The following CSPG5 variants were observed in gnomAD, a reference collection of about 807,000 sequenced individuals.
CSPG5 encodes the protein chondroitin sulfate proteoglycan 5.
CSPG5 carries 25 observed loss-of-function variants against 39.8 expected under a neutral mutation model. The observed-to-expected ratio is 0.63, with a 90% CI of 0.46 to 0.88. CSPG5 has a LOEUF of 0.88. Ranked by LOEUF, CSPG5 falls within the 40% of genes least tolerant of loss-of-function variation. CSPG5 has a pLI of 0.00. For synonymous variants in CSPG5, 295 were observed against 303.9 expected, an observed-to-expected ratio of 0.97 and a Z score of 0.31; for missense variants, 627 against 702.2, an observed-to-expected ratio of 0.89 and a Z score of 1.21.
chr3:47,563,047 G>T (rs1415425948), intron 4 of CSPG5, among the ~76,000 whole-genome samples: 1 of 152,200 alleles, frequency 6.6e-6, no homozygotes, highest in Non-Finnish European at 1.5e-5. Flanking sequence ...AGATTGGGGA[G>T]AAAGAGTCCC....
chr3:47,580,154 T>C (rs2031932000), upstream of CSPG5: 3 of 152,310 alleles, frequency 2.0e-5, no homozygotes, highest in African/African-American at 4.8e-5. Context: ...ACTCAGTTCT[T>C]ATCACCTTTC....
intron 3 of CSPG5, among the ~76,000 whole-genome samples, chr3:47,570,333 G>A (rs2031483625): frequency 1.3e-5 from 2 of 151,560 alleles, no homozygotes. Flanking sequence ...CGAACCCTTG[G>A]GCTCAGGTGG....
chr3:47,572,599 G>T lies in CSPG5; in HGVS notation c.1382+87C>A. Reference sequence around the variant, plus strand: ...AGGTGCCAGAAACCCTCACGACAAAGTCCCTGGATCAGTTGGAGGGGTGCA... The same window carrying T: ...AGGTGCCAGAAACCCTCACGACAAATTCCCTGGATCAGTTGGAGGGGTGCA... On this transcript the variant is annotated intron_variant, in intron 3 of 4. Transcript: ENST00000264723. This position sits in a 1 kb window ranked among gnomAD's most constrained non-coding sequence, Gnocchi z 4.5. 1 of 1,170,188 alleles carries T rather than the reference G, an allele frequency of 8.5e-7. No homozygotes were observed. The highest frequency in any genetic ancestry group is 1.2e-6 in the Non-Finnish European group (1 of 804,660). 72.5% of individuals were successfully genotyped at this position (1,170,188 alleles called of 1,614,324 possible).
upstream of CSPG5, chr3:47,579,469 C>A (rs950129471): frequency 7.9e-5 from 12 of 152,470 alleles, no homozygotes; most frequent in East Asian, 2.1e-3. This position sits in a 1 kb window ranked among gnomAD's most constrained non-coding sequence, Gnocchi z 4.2. Flanking sequence ...AGATCTAATC[C>A]GTTCGCAGCC....
At chr3:47,567,098 T>G (rs1275567623) in intron 4 of CSPG5, among the ~76,000 whole-genome samples, 2 of 152,276 alleles carry the variant, frequency 1.3e-5, no homozygotes, top group South Asian at 4.1e-4. Flanking sequence ...CTTTTCCCCC[T>G]CTGAGAAGAA....
At chr3:47,562,820 T>C in intron 4 of CSPG5, 59 bp from the exon 5 acceptor site, 1 of 1,451,660 alleles carries the variant, frequency 6.9e-7, no homozygotes, top group East Asian at 2.4e-5. Context: ...CAAATAATAA[T>C]ATCAGCGTTT....
chr3:47,573,264 A>G lies in CSPG5; in HGVS notation c.1194-390T>C, dbSNP rs557681598. ...CCCTGCCCTGGGCTCTGGGTGAAAG[A>G]AAGATGAAAAACAAGAGGAATAAGA... On this transcript the variant is annotated intron_variant, in intron 2 of 4. Coordinates refer to ENST00000264723, the MANE Select transcript of CSPG5 (RefSeq NM_006574.4). Among the ~76,000 whole-genome samples, 6 of 152,292 alleles carry G rather than the reference A, an allele frequency of 3.9e-5. No homozygotes were observed. In the South Asian group the frequency reaches 1.2e-3, roughly 32 times the overall value.
rs1486739818 is a variant in CSPG5 at position 47,578,345 on chromosome 3, G to A, written c.97+252C>T. Among the ~76,000 whole-genome samples the A allele has an allele frequency of 1.1e-5, 1 of 95,146 alleles. No homozygotes were observed. The highest frequency in any genetic ancestry group is 4.0e-5 in the African/African-American group (1 of 25,188). 62.4% of individuals were successfully genotyped at this position (95,146 alleles called of 152,430 possible). ...CGGCCCCGCCCCGGCCCCGCCCCCG[G>A]CCCCGCCCCCAGTCCGCACCGCGGC... On this transcript the variant is annotated intron_variant, in intron 1 of 4. Coordinates refer to ENST00000264723, the MANE Select transcript of CSPG5 (RefSeq NM_006574.4). The surrounding 1 kb of genome is among the most constrained non-coding windows in gnomAD (Gnocchi z 6.0).
intron 4 of CSPG5, among the ~76,000 whole-genome samples, chr3:47,568,184 T>A (rs906712239): frequency 1.3e-5 from 2 of 152,240 alleles, no homozygotes; most frequent in Non-Finnish European, 2.9e-5. Context: ...TCAGTTTAAC[T>A]TGCTTATCTG....
Position 47,578,465 on chromosome 3 carries a change from G to T in CSPG5, c.97+132C>A, listed in dbSNP as rs1230012273. 1.3e-5 allele frequency: 3 copies of T among 229,914 alleles called. No homozygotes were observed. Among genetic ancestry groups the T allele is most frequent in the Non-Finnish European group, 2.4e-5 (3 of 124,142 alleles). 14.2% of individuals were successfully genotyped at this position (229,914 alleles called of 1,614,324 possible). On this transcript the variant is annotated intron_variant, in intron 1 of 4. Transcript: ENST00000264723. The surrounding 1 kb of genome is among the most constrained non-coding windows in gnomAD (Gnocchi z 6.0). Reference sequence around the variant, plus strand: ...CACCACCTCCTGGGACCATTCCGCCGCCCGGCCGCGGCCAGGCGGTGCCCC... The same window carrying T: ...CACCACCTCCTGGGACCATTCCGCCTCCCGGCCGCGGCCAGGCGGTGCCCC...
chr3:47,572,938 TG>T lies in CSPG5; in HGVS notation c.1194-65del, dbSNP rs2031582028. 2.1e-6 allele frequency: 3 copies of T among 1,442,106 alleles called. No homozygotes were observed. The South Asian group carries it at 3.8e-5, about 18-fold the overall frequency. 89.3% of individuals were successfully genotyped at this position (1,442,106 alleles called of 1,614,324 possible). On this transcript the variant is annotated intron_variant, in intron 2 of 4. Transcript: ENST00000264723. This position sits in a 1 kb window ranked among gnomAD's most constrained non-coding sequence, Gnocchi z 4.5. ...GGCAGCCACGGCCACAGTAAGGGCCTGGGCCCTGACCCCAACACCTATCTCC... is the reference window on the plus strand; with the variant it reads ...GGCAGCCACGGCCACAGTAAGGGCCTGGCCCTGACCCCAACACCTATCTCC...
chr3:47,576,616 G>A (rs1310231653), intron 2 of CSPG5, among the ~76,000 whole-genome samples: 2 of 152,012 alleles, frequency 1.3e-5, no homozygotes, highest in African/African-American at 2.4e-5. Flanking sequence ...CTGCCACCGC[G>A]CCCAGCTAAT....
chr3:47,562,304 A>C lies in CSPG5; in HGVS notation c.*296T>G, dbSNP rs2031105546. 3.9e-6 allele frequency: 1 copy of C among 253,554 alleles called. No individual in the cohort carries two copies. The highest frequency in any genetic ancestry group is 7.4e-6 in the Non-Finnish European group (1 of 135,716). The allele number at this position is 253,554 out of a possible 1,614,324, so 15.7% of individuals were successfully genotyped here. A position where few individuals can be genotyped will look rare whatever the true frequency, so the allele number is the denominator to read the frequency against. On this transcript the variant is annotated 3_prime_UTR_variant, in exon 5 of 5. Coordinates refer to ENST00000264723, the MANE Select transcript of CSPG5 (RefSeq NM_006574.4). ...CTGGTATTTCAAAAAAACGTGGGTCAAAGTACAAAAAAAAGTCAGTTGAAT... is the reference window on the plus strand; with the variant it reads ...CTGGTATTTCAAAAAAACGTGGGTCCAAGTACAAAAAAAAGTCAGTTGAAT...
In CSPG5 at chr3:47,568,226, T is replaced by C. The variant is rs2031386674; in HGVS notation, c.1458+926A>G. ...AATCTGTGTAAAAATGCATTTATCT[T>C]GAAGTATGGAACCTGCATTATATAG... On this transcript the variant is annotated intron_variant, in intron 4 of 4. Transcript: ENST00000264723. Among the ~76,000 whole-genome samples, 3 of 152,226 alleles carry C rather than the reference T, an allele frequency of 2.0e-5. No homozygotes were observed. In the South Asian group the frequency reaches 6.2e-4, roughly 31 times the overall value.
In CSPG5 at chr3:47,577,182, C is replaced by T. The variant is rs143267577; in HGVS notation, c.844G>A (p.Glu282Lys). The change falls in exon 2 of 5, where the codon GAG (glutamate) becomes AAG (lysine). Residue 282 changes from glutamate (E) to lysine (K), a missense_variant. Transcript: ENST00000264723. The surrounding 1 kb of genome is among the most constrained non-coding windows in gnomAD (Gnocchi z 4.7). ...CCTACTGCATCTTTGTCATCCTCCT[C>T]TTCCTCCTCCTCTTCATCCAAGTCA... ...YDDLDEEEEE[E>K]EDDKDAVGGG... 6.2e-5 allele frequency: 99 copies of T among 1,609,534 alleles called. No homozygotes were observed. Among genetic ancestry groups the T allele is most frequent in the Non-Finnish European group, 7.6e-5 (90 of 1,177,820 alleles).
intron 4 of CSPG5, among the ~76,000 whole-genome samples, chr3:47,566,583 T>A (rs1406733487): frequency 1.3e-5 from 2 of 152,122 alleles, no homozygotes; most frequent in South Asian, 2.1e-4. Context: ...ACCCCTCACA[T>A]CCACAGTGCT....
Position 47,578,411 on chromosome 3 carries a change from C to T in CSPG5, c.97+186G>A, listed in dbSNP as rs577225202. ...CCGGCTACCCCAACCGGGGTCGGCCCCCACGCGGGTCGGCCTTTCCCGGAC... is the reference window on the plus strand; with the variant it reads ...CCGGCTACCCCAACCGGGGTCGGCCTCCACGCGGGTCGGCCTTTCCCGGAC... On this transcript the variant is annotated intron_variant, in intron 1 of 4. Coordinates refer to ENST00000264723, the MANE Select transcript of CSPG5 (RefSeq NM_006574.4). The surrounding 1 kb of genome is among the most constrained non-coding windows in gnomAD (Gnocchi z 6.0). Among the ~76,000 whole-genome samples, 1 of 150,608 alleles carries T rather than the reference C, an allele frequency of 6.6e-6. No individual in the cohort carries two copies. The highest frequency in any genetic ancestry group is 2.4e-5 in the African/African-American group (1 of 41,212).
chr3:47,577,942 G>T lies in CSPG5; in HGVS notation c.98-14C>A. 1 of 1,406,848 alleles carries T rather than the reference G, an allele frequency of 7.1e-7. No homozygotes were observed. Among genetic ancestry groups the T allele is most frequent in the Non-Finnish European group, 9.2e-7 (1 of 1,092,638 alleles). 87.1% of individuals were successfully genotyped at this position (1,406,848 alleles called of 1,614,324 possible). On this transcript the variant is annotated splice_polypyrimidine_tract_variant and intron_variant, in intron 1 of 4. Transcript: ENST00000264723. This position sits in a 1 kb window ranked among gnomAD's most constrained non-coding sequence, Gnocchi z 4.7. The stretch of plus-strand genomic sequence containing the variant: ...CCGCCTCACGCGCTGCGGGCGGGAG[G>T]GCAAGGGGCGGGACGTCAGGGCGGC...
chr3:47,576,315 C>G (rs775767419), intron 2 of CSPG5, among the ~76,000 whole-genome samples: 1 of 152,136 alleles, frequency 6.6e-6, no homozygotes, highest in Non-Finnish European at 1.5e-5. Flanking sequence ...TCTGAGGAAC[C>G]TCTCCTAGTG....
Sources: gnomAD v4.1 joint callset for allele counts (sites outside exome capture counted in the v4.1 genomes callset) on GRCh38, gnomAD v4.1.1 for gene constraint, Gnocchi (gnomAD v3.1) non-coding constraint, MANE v1.5 for transcripts, NCBI Gene and HGNC (gene_info 2026-07-23, HGNC 2026-07-21) for gene names.